The following IGDCC4 variants were observed in gnomAD, a reference collection of about 807,000 sequenced individuals.
IGDCC4 encodes the protein immunoglobulin superfamily DCC subclass member 4, also known as likely ortholog of mouse neighbor of Punc E11.
In IGDCC4, 72 loss-of-function variants were observed where a neutral mutation model predicts 116.6. The observed-to-expected ratio is 0.62, with a 90% confidence interval of 0.51 to 0.75. IGDCC4 has a LOEUF of 0.75. Ranked by LOEUF, IGDCC4 falls within the 30% of genes least tolerant of loss-of-function variation. The pLI, the probability that IGDCC4 is intolerant of heterozygous loss-of-function variation, is 0.00. For missense variants in IGDCC4, 1,501 were observed against 1,662.4 expected, an observed-to-expected ratio of 0.90 and a Z score of 1.69; for synonymous variants, 709 against 719.9, an observed-to-expected ratio of 0.98 and a Z score of 0.24.
intron 1 of IGDCC4, among the ~76,000 whole-genome samples, chr15:65,413,955 T>C (rs1454235650): frequency 4.6e-5 from 7 of 152,220 alleles, no homozygotes; most frequent in Non-Finnish European, 7.3e-5. Context: ...GATTCTATGA[T>C]TATTCACGAC....
At chr15:65,403,889 A>G (rs2063015647) in intron 3 of IGDCC4, among the ~76,000 whole-genome samples, 1 of 152,194 alleles carries the variant, frequency 6.6e-6, no homozygotes, top group South Asian at 2.1e-4. Context: ...GGTGGAGACC[A>G]GAGTGGGCTC....
At chr15:65,418,350 T>G in intron 1 of IGDCC4, among the ~76,000 whole-genome samples, 1 of 152,066 alleles carries the variant, frequency 6.6e-6, no homozygotes, top group East Asian at 1.9e-4. Context: ...TTATTTCTCT[T>G]GTGCCCACCT....
At chr15:65,403,165 C>T (rs2063006294) in intron 3 of IGDCC4, among the ~76,000 whole-genome samples, 1 of 152,232 alleles carries the variant, frequency 6.6e-6, no homozygotes, top group Non-Finnish European at 1.5e-5. Flanking sequence ...TGTTCATCTG[C>T]AGGGTGGGAA....
intron 3 of IGDCC4, among the ~76,000 whole-genome samples, chr15:65,406,544 G>A (rs2063042826): frequency 6.6e-6 from 1 of 152,150 alleles, no homozygotes; most frequent in African/African-American, 2.4e-5. Context: ...GACGCAGTGT[G>A]TTTATTAACT....
At chr15:65,414,924 A>C (rs1056973397) in intron 1 of IGDCC4, among the ~76,000 whole-genome samples, 1 of 152,080 alleles carries the variant, frequency 6.6e-6, no homozygotes, top group African/African-American at 2.4e-5. Flanking sequence ...TGGCTCTGGA[A>C]GATCCAGTGC....
chr15:65,418,673 C>G (rs2063164703), intron 1 of IGDCC4, among the ~76,000 whole-genome samples: 1 of 152,164 alleles, frequency 6.6e-6, no homozygotes, highest in Non-Finnish European at 1.5e-5. Flanking sequence ...GCTCCTGTCA[C>G]CCACCTCTGA....
At position 65,396,063 on chromosome 15, in the gene IGDCC4, C is replaced by T. The variant is rs748083607; in HGVS notation, c.1098G>A (p.Leu366=). ...CRASGEPRPA[L]RWLHNGAPLR... The stretch of plus-strand genomic sequence containing the variant: ...GCGGCGCCCCGTTGTGCAGCCAGCG[C>T]AGCGCTGGCCGCGGCTCCCCCGACG... Residue 366 remains leucine, a synonymous_variant, in exon 7 of 20, where the codon CTG becomes CTA. Transcript: ENST00000352385. The T allele has an allele frequency of 1.4e-6, 2 of 1,400,752 alleles. No individual in the cohort carries two copies. Among genetic ancestry groups the T allele is most frequent in the Non-Finnish European group, 1.8e-6 (2 of 1,085,552 alleles). The allele number at this position is 1,400,752 out of a possible 1,614,324, so 86.8% of individuals were successfully genotyped here. A position where few individuals can be genotyped will look rare whatever the true frequency, so the allele number is the denominator to read the frequency against.
chr15:65,412,529 A>AAAAG (rs2063105827), intron 1 of IGDCC4, among the ~76,000 whole-genome samples: 3 of 149,890 alleles, frequency 2.0e-5, no homozygotes, highest in Admixed American at 1.3e-4. Flanking sequence ...AAAAAAAAAA[A>AAAAG]AAAAAAAAAG....
At chr15:65,400,270 A>C (rs910551693) in intron 5 of IGDCC4, among the ~76,000 whole-genome samples, 1 of 152,066 alleles carries the variant, frequency 6.6e-6, no homozygotes, top group Non-Finnish European at 1.5e-5. Context: ...TCTCTCCCTC[A>C]CTAGACGATG....
intron 3 of IGDCC4, among the ~76,000 whole-genome samples, chr15:65,405,140 G>A (rs11071844): frequency 0.31 from 40,392 of 131,796 alleles, 6,495 homozygotes; most frequent in East Asian, 0.71. Context: ...GGGGGGGGGG[G>A]AGTAAAAAAA....
rs1452766338 is a variant in IGDCC4 at position 65,410,288 on chromosome 15, A to C, written c.453T>G (p.Ser151=). Residue 151 remains serine (S), a synonymous_variant, in exon 3 of 20, where the codon TCT becomes TCG. Transcript: ENST00000352385. ...CTGTCCCGTTCTCCTCCACCGTCTG[A>C]GACTCCGGGTGCAGAGAGAAGTCTG... ...TLADFSLHPE[S]QTVEENGTAR... 6.2e-7 allele frequency: 1 copy of C among 1,614,068 alleles called. No individual in the cohort carries two copies. The highest frequency in any genetic ancestry group is 1.3e-5 in the African/African-American group (1 of 75,032).
At chr15:65,387,008 G>T (rs145970749) in intron 16 of IGDCC4, among the ~76,000 whole-genome samples, 163 of 152,234 alleles carry the variant, frequency 1.1e-3, no homozygotes, top group African/African-American at 3.5e-3. Context: ...TTCATGCTCT[G>T]CTGTCACCAC....
chr15:65,390,024 G>T, intron 13 of IGDCC4, 131 bp downstream of exon 13: 1 of 793,802 alleles, frequency 1.3e-6, no homozygotes, highest in Non-Finnish European at 2.0e-6. Flanking sequence ...TGGCCTCAGC[G>T]TAACAGGTGA....
intron 1 of IGDCC4, among the ~76,000 whole-genome samples, chr15:65,413,229 T>C (rs1231142744): frequency 6.6e-6 from 1 of 152,058 alleles, no homozygotes; most frequent in African/African-American, 2.4e-5. Flanking sequence ...TCAAGCTGGA[T>C]TCAGACCCAG....
intron 5 of IGDCC4, 93 bp downstream of exon 5, chr15:65,400,713 G>A: frequency 5.5e-6 from 8 of 1,453,914 alleles, no homozygotes; most frequent in Non-Finnish European, 3.7e-6. Context: ...GTGACCACTG[G>A]GTCGTCACCC....
chr15:65,390,339 C>G lies in IGDCC4; in HGVS notation c.2225-1G>C, dbSNP rs747618424. The stretch of plus-strand genomic sequence containing the variant: ...GGTGGTCCCCTCTGGATAGGCATGT[C>G]TGAAAGGTGAAAACTAGAGTGTGAG... On this transcript the variant is annotated splice_acceptor_variant, in intron 12 of 19. Transcript: ENST00000352385. LOFTEE classifies it high-confidence loss of function. 6.3e-7 allele frequency: 1 copy of G among 1,586,216 alleles called. No homozygotes were observed. Among genetic ancestry groups the G allele is most frequent in the Non-Finnish European group, 8.6e-7 (1 of 1,158,384 alleles).
rs1184026918 is a variant in IGDCC4, at chr15:65,393,181, G to C, written c.1885+180C>G. On this transcript the variant is annotated intron_variant, in intron 10 of 19. Transcript: ENST00000352385. The surrounding 1 kb of genome is among the most constrained non-coding windows in gnomAD (Gnocchi z 4.6). ...TCCAAGGTCACACAGCAAATCGAAG[G>C]GACACCAGATCCCAGCCCTTCACCT... 6.6e-6 allele frequency among the ~76,000 whole-genome samples: 1 copy of C among 152,118 alleles called. No individual in the cohort carries two copies. Among genetic ancestry groups the C allele is most frequent in the Non-Finnish European group, 1.5e-5 (1 of 68,032 alleles).
intron 3 of IGDCC4, among the ~76,000 whole-genome samples, chr15:65,403,885 G>A (rs1401238707): frequency 2.6e-5 from 4 of 152,178 alleles, no homozygotes; most frequent in Non-Finnish European, 4.4e-5. Flanking sequence ...GGGTGGTGGA[G>A]ACCAGAGTGG....
rs1236131517 is a variant in IGDCC4 at position 65,396,012 on chromosome 15, G to A, written c.1149C>T (p.Val383=). ...APLRPNGRVK[V]QGGGGSLVIT... ...TGACCAGGCTGCCACCGCCGCCCTGGACCTTGACGCGCCCGTTGGGCCGCA... is the reference window on the plus strand; with the variant it reads ...TGACCAGGCTGCCACCGCCGCCCTGAACCTTGACGCGCCCGTTGGGCCGCA... The change falls in exon 7 of 20, where the codon GTC becomes GTT. Residue 383 remains valine, a synonymous_variant. Coordinates refer to ENST00000352385, the MANE Select transcript of IGDCC4 (RefSeq NM_020962.3). The A allele has an allele frequency of 6.6e-7, 1 of 1,512,998 alleles. No homozygotes were observed. The highest frequency in any genetic ancestry group is 8.8e-7 in the Non-Finnish European group (1 of 1,138,120). 93.7% of individuals were successfully genotyped at this position (1,512,998 alleles called of 1,614,324 possible).
Sources: allele counts gnomAD v4.1 joint callset (sites outside exome capture counted in the v4.1 genomes callset), GRCh38; gene constraint gnomAD v4.1.1; non-coding constraint Gnocchi (gnomAD v3.1); transcripts MANE v1.5; gene names NCBI Gene and HGNC (gene_info 2026-07-23, HGNC 2026-07-21).